Variants in KANK1 observed in about 807,000 individuals in gnomAD.
KANK1 encodes the protein KN motif and ankyrin repeat domains 1.
In KANK1, 109 loss-of-function variants were observed where a neutral mutation model predicts 106.2. The observed-to-expected ratio is 1.03, with a 90% CI of 0.88 to 1.20. KANK1 has a LOEUF of 1.20. Ranked by LOEUF, KANK1 falls within the 50% of genes most tolerant of loss-of-function variation. The probability of loss-of-function intolerance (pLI) is 0.00; values close to 1 mark genes in which losing one functional copy is unlikely to be tolerated. For missense variants in KANK1, 2,399 were observed against 1,710.7 expected, an observed-to-expected ratio of 1.40 and a Z score of -7.10; for synonymous variants, 873 against 652.2, an observed-to-expected ratio of 1.34 and a Z score of -5.16.
At chr9:678,853 C>T (rs545419831) in intron 2 of KANK1, among the ~76,000 whole-genome samples, 2 of 152,226 alleles carry the variant, frequency 1.3e-5, no homozygotes, top group East Asian at 3.9e-4. Flanking sequence ...GATGTGGTTT[C>T]CTCCCTTGCC....
At position 671,934 on chromosome 9, in the gene KANK1, C is replaced by G. The variant is rs142116998; in HGVS notation, c.-83-4956C>G. Among the ~76,000 whole-genome samples the G allele has an allele frequency of 4.5e-3, 688 of 152,120 alleles. 10 individuals are homozygous for G. The highest frequency in any genetic ancestry group is 0.015 in the African/African-American group (637 of 41,478). On this transcript the variant is annotated intron_variant, in intron 1 of 11. Transcript: ENST00000382297. ...CTGCACTCCAGCCTGGGCTACAGAG[C>G]AAGACTCCGTCTCAAAAAAGAAAAA...
intron 1 of KANK1, among the ~76,000 whole-genome samples, chr9:587,480 C>T (rs1471768550): frequency 1.3e-5 from 2 of 152,016 alleles, no homozygotes; most frequent in Non-Finnish European, 2.9e-5. Flanking sequence ...TGGAGATACT[C>T]AATTTATTGC....
At chr9:581,559 A>T (rs1478358992) in intron 1 of KANK1, among the ~76,000 whole-genome samples, 1 of 152,176 alleles carries the variant, frequency 6.6e-6, no homozygotes, top group East Asian at 1.9e-4. Flanking sequence ...GGTTAATTTG[A>T]ATTGGGAATG....
chr9:494,710 T>C lies in KANK1; in HGVS notation c.-362+21437T>C, dbSNP rs73369010. 9.5e-3 allele frequency among the ~76,000 whole-genome samples: 1,450 copies of C among 152,240 alleles called. 29 individuals are homozygous for C. The highest frequency in any genetic ancestry group is 0.033 in the African/African-American group (1,385 of 41,520). ...TCTCCTTAGAAGAGCCAAGAAGCCT[T>C]CTCAGAAGTGGATCTATACTGGCTG... is the stretch of plus-strand genomic sequence containing the variant. On this transcript the variant is annotated intron_variant, in intron 3 of 15. Transcript: ENST00000382303.
intron 1 of KANK1, among the ~76,000 whole-genome samples, chr9:518,181 T>C (rs1199404122): frequency 6.6e-6 from 1 of 151,862 alleles, no homozygotes. Flanking sequence ...TTTATATAGT[T>C]TGTGAATCAT....
At chr9:592,286 G>A (rs1318284389) in intron 1 of KANK1, among the ~76,000 whole-genome samples, 1 of 151,928 alleles carries the variant, frequency 6.6e-6, no homozygotes, top group African/African-American at 2.4e-5. Context: ...CTCAGAACCT[G>A]GCCTTTAATC....
At chr9:506,823 G>A (rs933680432) in intron 1 of KANK1, among the ~76,000 whole-genome samples, 2 of 152,198 alleles carry the variant, frequency 1.3e-5, no homozygotes, top group Non-Finnish European at 2.9e-5. Context: ...GAACTGGGAA[G>A]AGGAATGGGA....
intron 1 of KANK1, among the ~76,000 whole-genome samples, chr9:667,560 T>TGCTATAAA (rs1844918254): frequency 6.6e-6 from 1 of 152,180 alleles, no homozygotes; most frequent in South Asian, 2.1e-4. Context: ...AGATGTTTAT[T>TGCTATAAA]GCTATAAACC....
intron 3 of KANK1, among the ~76,000 whole-genome samples, chr9:473,897 A>G (rs550207629): frequency 6.6e-6 from 1 of 152,196 alleles, no homozygotes; most frequent in East Asian, 1.9e-4. Flanking sequence ...ACAGGGTTTC[A>G]CCATGTTGGC....
chr9:533,828 G>A (rs2060173551), intron 1 of KANK1, among the ~76,000 whole-genome samples: 1 of 152,204 alleles, frequency 6.6e-6, no homozygotes, highest in Admixed American at 6.5e-5. Flanking sequence ...GTTTTCAGCA[G>A]CTAAGTTCAT....
chr9:742,220 C>G lies in KANK1; in HGVS notation c.3712C>G (p.Leu1238Val), dbSNP rs1353375638. 4 of 1,614,034 alleles carry G rather than the reference C, an allele frequency of 2.5e-6. No individual in the cohort carries two copies. In the Admixed American group the frequency reaches 5.0e-5, roughly 20 times the overall value. ...CTTCCCATAGGCGGGACAGACGGCCCTCATGCTGGCGGTCAGTCACGGACG... is the reference window on the plus strand; with the variant it reads ...CTTCCCATAGGCGGGACAGACGGCCGTCATGCTGGCGGTCAGTCACGGACG... Reference protein sequence around the residue: ...AKASQAGQTALMLAVSHGRID... With the variant: ...AKASQAGQTAVMLAVSHGRID... Residue 1238 changes from leucine to valine, a missense_variant, in exon 10 of 12, where the codon CTC becomes GTC. Leu to Val is a conservative substitution (Grantham distance 32). Coordinates refer to ENST00000382297, the MANE Select transcript of KANK1 (RefSeq NM_015158.5).
At chr9:611,368 T>G (rs996279204) in intron 1 of KANK1, among the ~76,000 whole-genome samples, 1 of 152,142 alleles carries the variant, frequency 6.6e-6, no homozygotes, top group Non-Finnish European at 1.5e-5. Context: ...ACTACACTTA[T>G]CTCCAGGATT....
In KANK1 at chr9:669,200, C is replaced by T. The variant is rs147575558; in HGVS notation, c.-83-7690C>T. Among the ~76,000 whole-genome samples the T allele has an allele frequency of 4.1e-3, 623 of 152,186 alleles. 6 individuals are homozygous for T. Among genetic ancestry groups the T allele is most frequent in the African/African-American group, 0.013 (558 of 41,500 alleles). On this transcript the variant is annotated intron_variant, in intron 1 of 11. Transcript: ENST00000382297. ...CTGTTAGGGTTTTTGATAGATTTGT[C>T]TTCTAGGTGTCATACTAGAATTATG...
chr9:653,891 T>C (rs1256810368), intron 1 of KANK1, among the ~76,000 whole-genome samples: 1 of 152,196 alleles, frequency 6.6e-6, no homozygotes, highest in Non-Finnish European at 1.5e-5. Context: ...AGTAAAATTA[T>C]GTAATACTTT....
chr9:539,854 A>G (rs1481265052), intron 1 of KANK1, among the ~76,000 whole-genome samples: 1 of 152,186 alleles, frequency 6.6e-6, no homozygotes, highest in Non-Finnish European at 1.5e-5. Flanking sequence ...CATTATTAGT[A>G]TATATAATAG....
chr9:551,928 C>T (rs1041231099), intron 1 of KANK1, among the ~76,000 whole-genome samples: 2 of 151,432 alleles, frequency 1.3e-5, no homozygotes, highest in Admixed American at 1.3e-4. Context: ...TGTTGATGTG[C>T]ACCTGTGGTC....
In KANK1 at chr9:744,194, AG is replaced by A. The variant is rs1310717363; in HGVS notation, c.3898-296del. Among the ~76,000 whole-genome samples, 4 of 151,280 alleles carry A rather than the reference AG, an allele frequency of 2.6e-5. No individual in the cohort carries two copies. In the East Asian group the frequency reaches 7.8e-4, roughly 29 times the overall value. On this transcript the variant is annotated intron_variant, in intron 10 of 11. Coordinates refer to ENST00000382297, the MANE Select transcript of KANK1 (RefSeq NM_015158.5). The stretch of plus-strand genomic sequence containing the variant: ...CTTGCCTGGTCATTCATAATTAATT[AG>A]AAGAAAAAAAAACTTTCTATCCCCA...
At chr9:484,988 A>G (rs1022025245) in intron 3 of KANK1, among the ~76,000 whole-genome samples, 5 of 152,192 alleles carry the variant, frequency 3.3e-5, no homozygotes, top group Non-Finnish European at 7.3e-5. Context: ...GCTTTGGCCT[A>G]TCCAGGCCCA....
Position 731,256 on chromosome 9 carries a change from A to C in KANK1, c.2995A>C (p.Ile999Leu). 1 of 1,591,154 alleles carries C rather than the reference A, an allele frequency of 6.3e-7. No homozygotes were observed. Among genetic ancestry groups the C allele is most frequent in the South Asian group, 1.1e-5 (1 of 90,344 alleles). Residue 999 changes from isoleucine (I) to leucine (L), a missense_variant, in exon 5 of 12, where the codon ATT (isoleucine) becomes CTT (leucine). Ile to Leu is a conservative substitution (Grantham distance 5). Coordinates refer to ENST00000382297, the MANE Select transcript of KANK1 (RefSeq NM_015158.5). ...AAAAAAGAATCTTCAGTTTGTTGGC[A>C]TTAATGGAGGGTAAGGAAAGATGGT... ...GAKKNLQFVG[I>L]NGGYETTSSD...
Sources: allele counts gnomAD v4.1 joint callset (sites outside exome capture counted in the v4.1 genomes callset), GRCh38; gene constraint gnomAD v4.1.1; transcripts MANE v1.5; gene names NCBI Gene and HGNC (gene_info 2026-07-23, HGNC 2026-07-21).